Variants in NECTIN1 observed in about 807,000 individuals in gnomAD.
NECTIN1 encodes the protein nectin-1.
Under a neutral mutation model 48.0 loss-of-function variants are expected in NECTIN1, and 23 were observed. The ratio of observed to expected loss-of-function variants is 0.48; its 90% confidence interval spans 0.34 to 0.68. NECTIN1 has a LOEUF of 0.68. Among genes scored for constraint, NECTIN1 ranks in the 30% least tolerant of loss-of-function variants. NECTIN1 has a pLI of 0.01. For missense variants in NECTIN1, 591 were observed against 709.9 expected, an observed-to-expected ratio of 0.83 and a Z score of 1.90; for synonymous variants, 270 against 288.9, an observed-to-expected ratio of 0.93 and a Z score of 0.66.
Position 119,713,703 on chromosome 11 carries a change from T to G in NECTIN1, c.79+14772A>C, listed in dbSNP as rs1865698173. On this transcript the variant is annotated intron_variant, in intron 1 of 5. Transcript: ENST00000264025. ...TGAAACTTATTTGGGGCAGGAAGCT[T>G]GGCCTGGATGACCTGAGGGGCAGTC... The G allele has an allele frequency of 8.1e-6, 3 of 371,646 alleles. No individual in the cohort carries two copies. The Admixed American group carries it at 9.8e-5, about 12-fold the overall frequency. 23.0% of individuals were successfully genotyped at this position (371,646 alleles called of 1,614,324 possible). A position where few individuals can be genotyped will look rare whatever the true frequency, so the allele number is the denominator to read the frequency against.
rs143530262 is a variant in NECTIN1, at chr11:119,665,231, A to G, written c.1070T>C (p.Ile357Thr). 31 of 1,602,670 alleles carry G rather than the reference A, an allele frequency of 1.9e-5. No homozygotes were observed. The highest frequency in any genetic ancestry group is 3.3e-4 in the Middle Eastern group (2 of 6,076). The change falls in exon 6 of 6, where the codon ATT becomes ACT. Residue 357 changes from isoleucine to threonine, a missense_variant. By Grantham distance (89) the Ile-to-Thr change is moderately conservative. Transcript: ENST00000264025. The surrounding 1 kb of genome is among the most constrained non-coding windows in gnomAD (Gnocchi z 5.1). ...CAGGATGCTCCCCGCCACGCCCCCA[A>G]TGATGGCCGTGGGCACCGGCCCGGC... ...RRAGPVPTAI[I>T]GGVAGSILLV... is the part of the protein sequence containing the mutation.
At chr11:119,715,149 A>T (rs1865724422) in intron 1 of NECTIN1, among the ~76,000 whole-genome samples, 1 of 152,150 alleles carries the variant, frequency 6.6e-6, no homozygotes, top group African/African-American at 2.4e-5. Flanking sequence ...GATGACCAAC[A>T]GGCCAGAATG....
rs1864664475 is a variant in NECTIN1 at position 119,661,507 on chromosome 11, G to C, written c.*3240C>G. ...TGGCAGTCAGGCTTTGGGGGTCTCT[G>C]TCTGGACTCCTGAGGCCTGGGAGCA... On this transcript the variant is annotated 3_prime_UTR_variant, in exon 6 of 6. Transcript: ENST00000264025. 2 of 985,930 alleles carry C rather than the reference G, an allele frequency of 2.0e-6. No individual in the cohort carries two copies. Among genetic ancestry groups the C allele is most frequent in the South Asian group, 9.4e-5 (2 of 21,288 alleles). The allele number at this position is 985,930 out of a possible 1,614,324, so 61.1% of individuals were successfully genotyped here.
chr11:119,638,846 C>A (rs577085731), intron 6 of NECTIN1: 1 of 1,553,518 alleles, frequency 6.4e-7, no homozygotes, highest in South Asian at 1.1e-5. Flanking sequence ...CAGGAGCACA[C>A]ATGGGGGCTC....
chr11:119,699,448 C>T (rs1251843551), intron 1 of NECTIN1, among the ~76,000 whole-genome samples: 1 of 152,168 alleles, frequency 6.6e-6, no homozygotes, highest in Non-Finnish European at 1.5e-5. Flanking sequence ...CCACACCCAG[C>T]TCTGTCAATG....
chr11:119,719,046 T>A (rs1158296252), intron 1 of NECTIN1, among the ~76,000 whole-genome samples: 1 of 152,228 alleles, frequency 6.6e-6, no homozygotes, highest in Non-Finnish European at 1.5e-5. Flanking sequence ...GAAATAATGT[T>A]TTGACTGCCT....
chr11:119,649,500 C>T (rs1329744510), intron 5 of NECTIN1, among the ~76,000 whole-genome samples: 1 of 152,006 alleles, frequency 6.6e-6, no homozygotes, highest in Non-Finnish European at 1.5e-5. Flanking sequence ...CAAGCCTGGG[C>T]AACATGGTGA....
intron 1 of NECTIN1, among the ~76,000 whole-genome samples, chr11:119,695,807 C>T (rs1350262931): frequency 6.6e-6 from 1 of 152,162 alleles, no homozygotes; most frequent in Non-Finnish European, 1.5e-5. Flanking sequence ...CCCTTTGCTC[C>T]CCAGGTTGGT....
chr11:119,663,550 T>C lies in NECTIN1; in HGVS notation c.*1197A>G, dbSNP rs1188908788. The C allele has an allele frequency of 3.0e-6, 3 of 985,396 alleles. No homozygotes were observed. Among genetic ancestry groups the C allele is most frequent in the Non-Finnish European group, 2.4e-6 (2 of 829,954 alleles). The allele number at this position is 985,396 out of a possible 1,614,324, so 61.0% of individuals were successfully genotyped here. ...TGGCCTTTGTGTGTGAGGCATTGTA[T>C]GGACTCCTCAGTCCCTCGGACTGTG... On this transcript the variant is annotated 3_prime_UTR_variant, in exon 6 of 6. Transcript: ENST00000264025.
At chr11:119,711,497 C>T (rs191730513) in intron 1 of NECTIN1, among the ~76,000 whole-genome samples, 237 of 152,138 alleles carry the variant, frequency 1.6e-3, no homozygotes, top group Non-Finnish European at 2.7e-3. Context: ...CTACTGTGTG[C>T]AAGGTGCTGA....
intron 5 of NECTIN1, among the ~76,000 whole-genome samples, chr11:119,647,102 AC>A (rs1229540023): frequency 1.3e-5 from 2 of 148,484 alleles, no homozygotes; most frequent in African/African-American, 5.0e-5. Flanking sequence ...TGGGCCACAC[AC>A]CCCCAACTGG....
rs1336081661 is a variant in NECTIN1, at chr11:119,672,809, C to T, written c.1003+2350G>A. The stretch of plus-strand genomic sequence containing the variant: ...CAGCCCTGCCTACTCACTCATCTCC[C>T]AGCAACCACTCAGTGCTCCTTCCTC... On this transcript the variant is annotated intron_variant, in intron 5 of 5. Transcript: ENST00000264025. The surrounding 1 kb of genome is among the most constrained non-coding windows in gnomAD (Gnocchi z 4.3). Among the ~76,000 whole-genome samples, 1 of 152,198 alleles carries T rather than the reference C, an allele frequency of 6.6e-6. No individual in the cohort carries two copies. Among genetic ancestry groups the T allele is most frequent in the Non-Finnish European group, 1.5e-5 (1 of 68,036 alleles).
chr11:119,648,322 A>G (rs192718299), intron 5 of NECTIN1, among the ~76,000 whole-genome samples: 299 of 4,108 alleles, frequency 0.073, 19 homozygotes, highest in East Asian at 0.095. Context: ...GGTGATGGTG[A>G]TGGTGGTGAT....
intron 1 of NECTIN1, among the ~76,000 whole-genome samples, chr11:119,692,993 C>A (rs112766876): frequency 0.014 from 2,075 of 152,286 alleles, 18 homozygotes; most frequent in Middle Eastern, 0.041. Context: ...AGGGCAGGCA[C>A]CATCCTCCCA....
In NECTIN1 at chr11:119,663,469, A is replaced by T; in HGVS notation, c.*1278T>A. On this transcript the variant is annotated 3_prime_UTR_variant, in exon 6 of 6. Coordinates refer to ENST00000264025, the MANE Select transcript of NECTIN1 (RefSeq NM_002855.5). ...TGAGGACCAGGGGTGGCTGAGCAGG[A>T]GGTGGCCTAGCGGCCCCACCCCCCT... is the stretch of plus-strand genomic sequence containing the variant. The T allele has an allele frequency of 1.0e-6, 1 of 985,504 alleles. No individual in the cohort carries two copies. Among genetic ancestry groups the T allele is most frequent in the Non-Finnish European group, 1.2e-6 (1 of 829,974 alleles). 61.0% of individuals were successfully genotyped at this position (985,504 alleles called of 1,614,324 possible).
chr11:119,674,520 G>T, intron 5 of NECTIN1: 6 of 1,613,914 alleles, frequency 3.7e-6, no homozygotes, highest in South Asian at 1.1e-5. Flanking sequence ...ATGGTGGGGG[G>T]GGCCCTGTCC....
At position 119,683,938 on chromosome 11, in the gene NECTIN1, C is replaced by T. The variant is rs1865108523; in HGVS notation, c.80-5173G>A. On this transcript the variant is annotated intron_variant, in intron 1 of 5. Transcript: ENST00000264025. This position sits in a 1 kb window ranked among gnomAD's most constrained non-coding sequence, Gnocchi z 4.0. ...AGCATGACGGGCCTCAGGCCGGCCC[C>T]CTGAGACGTCACAGACCTGCAAACG... is the stretch of plus-strand genomic sequence containing the variant. 6.6e-6 allele frequency among the ~76,000 whole-genome samples: 1 copy of T among 152,102 alleles called. No homozygotes were observed. Among genetic ancestry groups the T allele is most frequent in the Admixed American group, 6.5e-5 (1 of 15,272 alleles).
At chr11:119,676,589 G>A (rs547334809) in intron 4 of NECTIN1, among the ~76,000 whole-genome samples, 4 of 152,358 alleles carry the variant, frequency 2.6e-5, no homozygotes, top group South Asian at 2.1e-4. Context: ...GGCGAAGACC[G>A]TGAGGCCAAG....
At chr11:119,707,459 C>G (rs1220406697) in intron 1 of NECTIN1, among the ~76,000 whole-genome samples, 1 of 152,114 alleles carries the variant, frequency 6.6e-6, no homozygotes, top group East Asian at 1.9e-4. Flanking sequence ...AACCTTCCAC[C>G]CCATCTCTCA....
Sources: gnomAD v4.1 joint callset for allele counts (sites outside exome capture counted in the v4.1 genomes callset) on GRCh38, gnomAD v4.1.1 for gene constraint, Gnocchi (gnomAD v3.1) non-coding constraint, MANE v1.5 for transcripts, NCBI Gene and HGNC (gene_info 2026-07-23, HGNC 2026-07-21) for gene names.